Variants in SATB1 observed in about 807,000 individuals in gnomAD.
SATB1 encodes the protein SATB homeobox 1.
A neutral mutation model predicts 86.9 loss-of-function variants in SATB1; 11 were observed. That is an observed-to-expected ratio of 0.13 (90% CI 0.08 to 0.21). The LOEUF is 0.21. Ranked by LOEUF, SATB1 falls within the 10% of genes least tolerant of loss-of-function variation. The probability of loss-of-function intolerance (pLI) is 1.00; values close to 1 mark genes in which losing one functional copy is unlikely to be tolerated. For synonymous variants in SATB1, 357 were observed against 357.2 expected, an observed-to-expected ratio of 1.00 and a Z score of 0.01; for missense variants, 551 against 937.6, an observed-to-expected ratio of 0.59 and a Z score of 5.39.
chr3:18,399,005 G>A (rs1697108469), intron 5 of SATB1, among the ~76,000 whole-genome samples: 1 of 152,170 alleles, frequency 6.6e-6, no homozygotes, highest in African/African-American at 2.4e-5. Flanking sequence ...GGATAATGGT[G>A]ATTCTTCTGC....
chr3:18,369,312 C>G (rs1464415515), intron 9 of SATB1, among the ~76,000 whole-genome samples: 1 of 151,722 alleles, frequency 6.6e-6, no homozygotes, highest in Non-Finnish European at 1.5e-5. Flanking sequence ...ACCCTACCCA[C>G]CCCCCTCCAC....
intron 2 of SATB1, 116 bp downstream of exon 2, chr3:18,420,641 A>T: frequency 2.5e-6 from 2 of 799,302 alleles, no homozygotes. Flanking sequence ...TACGATCATA[A>T]GGAGAATAAA....
At chr3:18,392,794 T>C (rs1323166275) in intron 7 of SATB1, among the ~76,000 whole-genome samples, 2 of 152,032 alleles carry the variant, frequency 1.3e-5, no homozygotes, top group South Asian at 4.1e-4. Context: ...GGGTTGACTT[T>C]TGAGCCATTC....
At chr3:18,445,100 G>A in intron 1 of SATB1, 1 of 566,546 alleles carries the variant, frequency 1.8e-6, no homozygotes. Context: ...CGGGCACGCT[G>A]CGCCCGGGGG....
At chr3:18,401,643 C>G (rs758516661) in intron 5 of SATB1, among the ~76,000 whole-genome samples, 1 of 152,102 alleles carries the variant, frequency 6.6e-6, no homozygotes, top group African/African-American at 2.4e-5. Flanking sequence ...AAATGCTACA[C>G]GGTACACCAA....
chr3:18,416,198 G>C (rs931428162), intron 3 of SATB1, 65 bp from the exon 4 acceptor site: 4 of 1,352,774 alleles, frequency 3.0e-6, no homozygotes, highest in South Asian at 1.5e-5. Flanking sequence ...CTACTAGAAG[G>C]GTGTTCTTTT....
At chr3:18,398,766 T>A (rs910296033) in intron 5 of SATB1, among the ~76,000 whole-genome samples, 5 of 152,182 alleles carry the variant, frequency 3.3e-5, no homozygotes, top group Admixed American at 2.0e-4. Context: ...TCACATTTTA[T>A]ATCTCTAAAA....
At chr3:18,395,638 A>G (rs1696927899) in intron 6 of SATB1, among the ~76,000 whole-genome samples, 1 of 152,228 alleles carries the variant, frequency 6.6e-6, no homozygotes, top group African/African-American at 2.4e-5. Flanking sequence ...CAGCATACCC[A>G]GTGTTGCTAA....
chr3:18,379,791 TG>T (rs745623978), intron 8 of SATB1, among the ~76,000 whole-genome samples: 10 of 152,290 alleles, frequency 6.6e-5, no homozygotes, highest in Non-Finnish European at 7.4e-5. Flanking sequence ...AAGATAATGC[TG>T]GGAAATAGTT....
chr3:18,387,982 A>G (rs143382312), intron 7 of SATB1, among the ~76,000 whole-genome samples: 2 of 152,196 alleles, frequency 1.3e-5, no homozygotes, highest in Admixed American at 1.3e-4. Flanking sequence ...AAAATGATTT[A>G]TAAGCTGGTA....
chr3:18,417,284 G>C, intron 2 of SATB1: 1 of 583,166 alleles, frequency 1.7e-6, no homozygotes, highest in Non-Finnish European at 3.0e-6. Context: ...AAATATTTAA[G>C]TAGAATATGA....
At chr3:18,440,398 C>A (rs1477332098), upstream of SATB1, among the ~76,000 whole-genome samples, 1 of 152,106 alleles carries the variant, frequency 6.6e-6, no homozygotes, top group East Asian at 1.9e-4. Flanking sequence ...CTATCCCCAA[C>A]CAGGAAGAGT....
intron 9 of SATB1, among the ~76,000 whole-genome samples, chr3:18,366,269 A>G (rs539102381): frequency 7.2e-5 from 11 of 151,782 alleles, no homozygotes; most frequent in African/African-American, 2.7e-4. Context: ...TTTTCAAGGT[A>G]TTCTCTCAAA....
At chr3:18,400,394 C>A (rs754423509) in intron 5 of SATB1, among the ~76,000 whole-genome samples, 3 of 152,186 alleles carry the variant, frequency 2.0e-5, no homozygotes, top group Admixed American at 6.5e-5. Flanking sequence ...GGATGTGTCA[C>A]ACACTGGTAG....
At chr3:18,389,285 C>T (rs1696509609) in intron 7 of SATB1, among the ~76,000 whole-genome samples, 1 of 144,920 alleles carries the variant, frequency 6.9e-6, no homozygotes, top group Admixed American at 6.8e-5. Context: ...TTTTTTGGCC[C>T]AGAGCTTTCA....
At chr3:18,364,251 A>C (rs1695067988) in intron 9 of SATB1, among the ~76,000 whole-genome samples, 1 of 152,176 alleles carries the variant, frequency 6.6e-6, no homozygotes, top group African/African-American at 2.4e-5. Context: ...TATGTGCCTG[A>C]AATAAAATAC....
At chr3:18,407,469 C>T (rs1697600465) in intron 5 of SATB1, among the ~76,000 whole-genome samples, 1 of 152,038 alleles carries the variant, frequency 6.6e-6, no homozygotes, top group Non-Finnish European at 1.5e-5. Flanking sequence ...TTCAAACTCT[C>T]AATGCCCACA....
At chr3:18,376,597 C>T (rs1037608928) in intron 9 of SATB1, among the ~76,000 whole-genome samples, 21 of 151,750 alleles carry the variant, frequency 1.4e-4, no homozygotes, top group Admixed American at 1.3e-3. Context: ...GGGAGTGAGA[C>T]CAGGACATTT....
chr3:18,401,313 G>A (rs372694594), intron 5 of SATB1, among the ~76,000 whole-genome samples: 7 of 152,158 alleles, frequency 4.6e-5, no homozygotes, highest in Non-Finnish European at 2.9e-5. Flanking sequence ...ACTATGACAC[G>A]AATCTTTCAA....
Sources: allele counts gnomAD v4.1 joint callset (sites outside exome capture counted in the v4.1 genomes callset), GRCh38; gene constraint gnomAD v4.1.1; transcripts MANE v1.5; gene names NCBI Gene and HGNC (gene_info 2026-07-23, HGNC 2026-07-21).